SEC63: variants seen among roughly 807,000 people sequenced by gnomAD.
SEC63 encodes the protein SEC63 protein translocation regulator.
A neutral mutation model predicts 116.2 loss-of-function variants in SEC63; 56 were observed. That is an observed-to-expected ratio of 0.48 (90% CI 0.39 to 0.60). SEC63 has a LOEUF of 0.60. Ranked by LOEUF, SEC63 falls within the 20% of genes least tolerant of loss-of-function variation. The pLI is 0.00. For synonymous variants in SEC63, 273 were observed against 294.6 expected, an observed-to-expected ratio of 0.93 and a Z score of 0.75; for missense variants, 668 against 900.0, an observed-to-expected ratio of 0.74 and a Z score of 3.30.
Position 107,958,208 on chromosome 6 carries a change from G to A in SEC63, c.-199C>T, listed in dbSNP as rs981171628. The A allele has an allele frequency of 6.8e-5, 50 of 740,018 alleles. No individual in the cohort carries two copies. Among genetic ancestry groups the A allele is most frequent in the Non-Finnish European group, 7.4e-5 (33 of 448,626 alleles). The allele number at this position is 740,018 out of a possible 1,614,324, so 45.8% of individuals were successfully genotyped here. A position where few individuals can be genotyped will look rare whatever the true frequency, so the allele number is the denominator to read the frequency against. ...GCCGCCGTCGCCAGCTCTCGCGAGAGGAGATAGTTCCCGCCCCGCTCAGTT... is the reference window on the plus strand; with the variant it reads ...GCCGCCGTCGCCAGCTCTCGCGAGAAGAGATAGTTCCCGCCCCGCTCAGTT... On this transcript the variant is annotated 5_prime_UTR_variant, in exon 1 of 21. Transcript: ENST00000369002.
chr6:107,925,978 C>T (rs181917149), intron 2 of SEC63, among the ~76,000 whole-genome samples: 13 of 152,084 alleles, frequency 8.5e-5, no homozygotes, highest in African/African-American at 1.9e-4. Context: ...CCACCACACC[C>T]GGCTAATTTT....
At chr6:107,923,112 C>A (rs1787595740) in intron 3 of SEC63, among the ~76,000 whole-genome samples, 1 of 152,110 alleles carries the variant, frequency 6.6e-6, no homozygotes. Flanking sequence ...TGATCTCTAT[C>A]ATTAATTTCA....
chr6:107,949,036 G>A (rs1170899847), intron 1 of SEC63, among the ~76,000 whole-genome samples: 2 of 152,134 alleles, frequency 1.3e-5, no homozygotes, highest in East Asian at 1.9e-4. Context: ...AATCCACCTT[G>A]TCTGAGTTGA....
intron 2 of SEC63, among the ~76,000 whole-genome samples, chr6:107,927,488 A>C (rs1249605184): frequency 6.6e-6 from 1 of 152,170 alleles, no homozygotes; most frequent in Non-Finnish European, 1.5e-5. Context: ...AAGTAGTAAA[A>C]GTTTTAATGG....
intron 3 of SEC63, among the ~76,000 whole-genome samples, chr6:107,923,457 C>A (rs996097387): frequency 6.6e-6 from 1 of 152,014 alleles, no homozygotes; most frequent in African/African-American, 2.4e-5. Context: ...CAGGTTTAAT[C>A]AAAAAATCAC....
chr6:107,937,625 T>C (rs1342525725), intron 1 of SEC63, among the ~76,000 whole-genome samples: 2 of 152,208 alleles, frequency 1.3e-5, no homozygotes, highest in Non-Finnish European at 2.9e-5. Flanking sequence ...TGCAAACTGC[T>C]TTCCACAGTG....
At chr6:107,947,816 C>T (rs1770507249) in intron 1 of SEC63, among the ~76,000 whole-genome samples, 1 of 152,050 alleles carries the variant, frequency 6.6e-6, no homozygotes, top group Admixed American at 6.6e-5. Flanking sequence ...GAAATGGACA[C>T]CCCCTCCATC....
intron 16 of SEC63, among the ~76,000 whole-genome samples, chr6:107,883,783 G>C (rs1786465728): frequency 6.6e-6 from 1 of 151,352 alleles, no homozygotes; most frequent in African/African-American, 2.4e-5. Context: ...CTTCAGTCTG[G>C]GTGACAGAGC....
intron 1 of SEC63, chr6:107,954,915 T>C (rs1770680840): frequency 6.6e-6 from 1 of 152,222 alleles, no homozygotes; most frequent in African/African-American, 2.4e-5. Context: ...ATTTAAGTAT[T>C]CACCTTAATT....
chr6:107,900,543 G>A (rs976869134), intron 13 of SEC63, among the ~76,000 whole-genome samples: 3 of 152,084 alleles, frequency 2.0e-5, no homozygotes, highest in African/African-American at 4.8e-5. Context: ...AGCTACTCAG[G>A]AGGCTGAGGT....
intron 4 of SEC63, among the ~76,000 whole-genome samples, chr6:107,915,295 G>A (rs1177053118): frequency 6.6e-6 from 1 of 151,894 alleles, no homozygotes; most frequent in Non-Finnish European, 1.5e-5. Flanking sequence ...TGACCCCTTT[G>A]CCCTGGGAAA....
intron 16 of SEC63, among the ~76,000 whole-genome samples, chr6:107,889,764 G>T (rs918128306): frequency 3.9e-5 from 6 of 152,170 alleles, no homozygotes; most frequent in Non-Finnish European, 5.9e-5. Flanking sequence ...GTGTCCCGGA[G>T]ATTCTGGTAC....
At position 107,921,478 on chromosome 6, in the gene SEC63, G is replaced by A. The variant is rs140777556; in HGVS notation, c.452+319C>T. On this transcript the variant is annotated intron_variant, in intron 4 of 20. Coordinates refer to ENST00000369002, the MANE Select transcript of SEC63 (RefSeq NM_007214.5). The stretch of plus-strand genomic sequence containing the variant: ...CTTTTTTTTTTTTTCTTTAGAGATG[G>A]AGTATTACTGTCATCGAAGTTGGGC... Among the ~76,000 whole-genome samples, 7 of 150,946 alleles carry A rather than the reference G, an allele frequency of 4.6e-5. No individual in the cohort carries two copies. In the East Asian group the frequency reaches 1.4e-3, roughly 29 times the overall value.
intron 13 of SEC63, among the ~76,000 whole-genome samples, chr6:107,900,007 T>G (rs1267698329): frequency 6.6e-6 from 1 of 152,146 alleles, no homozygotes; most frequent in Admixed American, 6.5e-5. Flanking sequence ...AGAATTCCTA[T>G]TAGAATACAA....
At chr6:107,944,287 A>T (rs1251045906) in intron 1 of SEC63, among the ~76,000 whole-genome samples, 1 of 152,168 alleles carries the variant, frequency 6.6e-6, no homozygotes. Context: ...GTTGGAGGGG[A>T]GGGGAAGAAA....
intron 3 of SEC63, among the ~76,000 whole-genome samples, chr6:107,922,934 C>CA (rs1214525874): frequency 6.6e-6 from 1 of 151,644 alleles, no homozygotes; most frequent in Non-Finnish European, 1.5e-5. Flanking sequence ...TTGAGCTTGG[C>CA]TACTAAGTAA....
chr6:107,929,377 G>GC, intron 2 of SEC63, 38 bp downstream of exon 2: 1 of 1,019,088 alleles, frequency 9.8e-7, no homozygotes, highest in Non-Finnish European at 1.6e-6. Context: ...CAAAGAGTAA[G>GC]CATTAAGTAG....
intron 4 of SEC63, among the ~76,000 whole-genome samples, chr6:107,915,473 T>G (rs1289497898): frequency 6.6e-6 from 1 of 152,150 alleles, no homozygotes; most frequent in Non-Finnish European, 1.5e-5. Flanking sequence ...TATGCTTTTA[T>G]AAAAATTAAC....
Position 107,871,867 on chromosome 6 carries a change from G to A in SEC63, c.2140-20C>T. 1.2e-6 allele frequency: 2 copies of A among 1,612,300 alleles called. No homozygotes were observed. Among genetic ancestry groups the A allele is most frequent in the South Asian group, 1.1e-5 (1 of 91,062 alleles). ...TTCCAACTAGAAAGAAGAATTAAATGTAGACATCAGAAATTTGGGGAGAAA... is the reference window on the plus strand; with the variant it reads ...TTCCAACTAGAAAGAAGAATTAAATATAGACATCAGAAATTTGGGGAGAAA... On this transcript the variant is annotated intron_variant, in intron 20 of 20. Coordinates refer to ENST00000369002, the MANE Select transcript of SEC63 (RefSeq NM_007214.5).
Sources: allele counts gnomAD v4.1 joint callset (sites outside exome capture counted in the v4.1 genomes callset), GRCh38; gene constraint gnomAD v4.1.1; transcripts MANE v1.5; gene names NCBI Gene and HGNC (gene_info 2026-07-23, HGNC 2026-07-21).